RNF150: variants seen among roughly 807,000 people sequenced by gnomAD.
RNF150 encodes ring finger protein 150.
In RNF150, 24 loss-of-function variants were observed where a neutral mutation model predicts 39.3. That is an observed-to-expected ratio of 0.61 (90% confidence interval 0.44 to 0.86). RNF150 has a LOEUF of 0.86. Ranked by LOEUF, RNF150 falls within the 40% of genes least tolerant of loss-of-function variation. The pLI is 0.00. For missense variants in RNF150, 502 were observed against 587.8 expected, an observed-to-expected ratio of 0.85 and a Z score of 1.51; for synonymous variants, 255 against 227.3, an observed-to-expected ratio of 1.12 and a Z score of -1.10.
chr4:140,979,780 G>A (rs931335109), intron 1 of RNF150, among the ~76,000 whole-genome samples: 4 of 152,178 alleles, frequency 2.6e-5, no homozygotes, highest in Middle Eastern at 6.8e-3. Flanking sequence ...TTTCTGCAAC[G>A]TTAAAAGGTA....
At chr4:141,130,934 T>C (rs1222853771) in intron 1 of RNF150, among the ~76,000 whole-genome samples, 1 of 152,212 alleles carries the variant, frequency 6.6e-6, no homozygotes, top group African/African-American at 2.4e-5. Context: ...AGTGCTGTAT[T>C]GTAACTTTTC....
chr4:141,179,860 A>G (rs982871384), intron 1 of RNF150, among the ~76,000 whole-genome samples: 5 of 152,192 alleles, frequency 3.3e-5, no homozygotes, highest in African/African-American at 1.2e-4. Context: ...AACTGGTCAG[A>G]AAGATGGGGC....
chr4:141,154,702 C>A (rs1437542368), intron 1 of RNF150, among the ~76,000 whole-genome samples: 1 of 152,142 alleles, frequency 6.6e-6, no homozygotes, highest in African/African-American at 2.4e-5. Context: ...CATAAATTAA[C>A]AGCTGAATTT....
At chr4:141,009,907 C>T (rs1735014640) in intron 1 of RNF150, among the ~76,000 whole-genome samples, 1 of 152,144 alleles carries the variant, frequency 6.6e-6, no homozygotes, top group East Asian at 1.9e-4. Context: ...CCTCTAGAGC[C>T]CAGTGCTCTT....
chr4:141,134,783 A>T (rs936271700), upstream of RNF150, among the ~76,000 whole-genome samples: 2 of 152,242 alleles, frequency 1.3e-5, no homozygotes, highest in African/African-American at 4.8e-5. Context: ...GCAAAAGTGG[A>T]GACACCTGGC....
intron 1 of RNF150, among the ~76,000 whole-genome samples, chr4:141,086,165 A>G (rs1431557216): frequency 6.6e-6 from 1 of 152,000 alleles, no homozygotes; most frequent in Non-Finnish European, 1.5e-5. Flanking sequence ...TGCTTACCCC[A>G]TGCTCTCTCT....
intron 1 of RNF150, among the ~76,000 whole-genome samples, chr4:141,159,510 ATTG>A (rs1381664205): frequency 1.3e-5 from 2 of 151,554 alleles, no homozygotes; most frequent in South Asian, 2.1e-4. Flanking sequence ...CTGACCCCTA[ATTG>A]TTGTTGTTGT....
chr4:140,919,591 C>G (rs1399476040), intron 5 of RNF150, among the ~76,000 whole-genome samples: 1 of 150,186 alleles, frequency 6.7e-6, no homozygotes, highest in African/African-American at 2.5e-5. Context: ...GAATCAATAT[C>G]GTGAAAATGG....
intron 4 of RNF150, among the ~76,000 whole-genome samples, chr4:140,934,299 G>A (rs1731754990): frequency 1.3e-5 from 2 of 152,142 alleles, no homozygotes; most frequent in Admixed American, 6.6e-5. Context: ...GTGAGCTACT[G>A]TGCCCAGCCT....
At chr4:140,988,713 T>C (rs974455653) in intron 1 of RNF150, among the ~76,000 whole-genome samples, 4 of 151,564 alleles carry the variant, frequency 2.6e-5, no homozygotes, top group East Asian at 1.9e-4. Context: ...TGTATGTTTA[T>C]TGCAGCACTA....
At chr4:141,205,177 T>C (rs1187240137) in intron 1 of RNF150, among the ~76,000 whole-genome samples, 1 of 152,192 alleles carries the variant, frequency 6.6e-6, no homozygotes, top group African/African-American at 2.4e-5. Flanking sequence ...ATCTCAAGTA[T>C]TAAGAAATCA....
chr4:140,888,444 A>G (rs1382952208), intron 6 of RNF150, among the ~76,000 whole-genome samples: 2 of 152,156 alleles, frequency 1.3e-5, no homozygotes, highest in African/African-American at 4.8e-5. Context: ...TAAGATCATA[A>G]CCCTACCCAT....
At chr4:140,913,338 G>C (rs1487865863) in intron 5 of RNF150, among the ~76,000 whole-genome samples, 1 of 152,168 alleles carries the variant, frequency 6.6e-6, no homozygotes, top group African/African-American at 2.4e-5. Flanking sequence ...CATGCTCCCT[G>C]GCATGACAGA....
chr4:141,108,264 A>T (rs931380078), intron 1 of RNF150, among the ~76,000 whole-genome samples: 3 of 152,134 alleles, frequency 2.0e-5, no homozygotes, highest in African/African-American at 7.2e-5. Context: ...TATTCCTACA[A>T]TTCTTACATA....
upstream of RNF150, among the ~76,000 whole-genome samples, chr4:141,136,452 C>T (rs1485008345): frequency 6.6e-6 from 1 of 152,122 alleles, no homozygotes; most frequent in East Asian, 1.9e-4. Context: ...GTCAAAAGTT[C>T]AGTTTTTGAG....
chr4:141,201,628 A>AGCT (rs35909761), intron 1 of RNF150, among the ~76,000 whole-genome samples: 44,039 of 151,724 alleles, frequency 0.29, 6,788 homozygotes, highest in African/African-American at 0.39. Flanking sequence ...GTAGTCTTGC[A>AGCT]ATTTTCTTCT....
chr4:140,899,828 A>T (rs1730109279), intron 6 of RNF150, among the ~76,000 whole-genome samples: 1 of 101,524 alleles, frequency 9.8e-6, no homozygotes, highest in Non-Finnish European at 2.2e-5. Flanking sequence ...TTCCCTGAAA[A>T]TTTTTCCCCA....
intron 1 of RNF150, among the ~76,000 whole-genome samples, chr4:141,041,104 T>G (rs967610472): frequency 4.6e-5 from 7 of 152,058 alleles, no homozygotes; most frequent in Admixed American, 4.6e-4. Flanking sequence ...AAAAATTAAG[T>G]CTCTACTAGG....
intron 1 of RNF150, among the ~76,000 whole-genome samples, chr4:141,163,275 A>G (rs1212998249): frequency 6.6e-6 from 1 of 152,204 alleles, no homozygotes; most frequent in Non-Finnish European, 1.5e-5. Flanking sequence ...TGGGCAGGGC[A>G]TCTCTGAAAG....
Sources: gnomAD v4.1 joint callset for allele counts (sites outside exome capture counted in the v4.1 genomes callset) on GRCh38, gnomAD v4.1.1 for gene constraint, MANE v1.5 for transcripts, NCBI Gene and HGNC (gene_info 2026-07-23, HGNC 2026-07-21) for gene names.